The following LAMC2 variants were observed in gnomAD, a reference collection of about 807,000 sequenced individuals.
The protein encoded by LAMC2 is laminin subunit gamma-2.
Under a neutral mutation model 140.2 loss-of-function variants are expected in LAMC2, and 97 were observed. The ratio of observed to expected loss-of-function variants is 0.69; its 90% CI spans 0.59 to 0.82. LAMC2 has a LOEUF of 0.82. Ranked by LOEUF, LAMC2 falls within the 40% of genes least tolerant of loss-of-function variation. The probability of loss-of-function intolerance (pLI) is 0.00; values close to 1 mark genes in which losing one functional copy is unlikely to be tolerated. For missense variants in LAMC2, 1,402 were observed against 1,476.1 expected (o/e 0.95, Z 0.82); for synonymous variants, 513 against 540.2 (o/e 0.95, Z 0.70).
chr1:183,201,520 C>CATCAG (rs1658706723), intron 1 of LAMC2, among the ~76,000 whole-genome samples: 1 of 152,234 alleles, frequency 6.6e-6, no homozygotes, highest in South Asian at 2.1e-4. Context: ...TAGATGCATA[C>CATCAG]ATCAGATCAT....
At chr1:183,189,607 G>C (rs1658262189) in intron 1 of LAMC2, among the ~76,000 whole-genome samples, 1 of 152,184 alleles carries the variant, frequency 6.6e-6, no homozygotes, top group Non-Finnish European at 1.5e-5. Flanking sequence ...CTTGACCACA[G>C]ACGAGATTGC....
At chr1:183,210,482 C>T (rs1341331989) in intron 2 of LAMC2, among the ~76,000 whole-genome samples, 1 of 152,054 alleles carries the variant, frequency 6.6e-6, no homozygotes, top group African/African-American at 2.4e-5. Context: ...GAAACTGAGA[C>T]CTAGAAAAAT....
At chr1:183,195,333 C>A (rs1658481334) in intron 1 of LAMC2, among the ~76,000 whole-genome samples, 1 of 152,088 alleles carries the variant, frequency 6.6e-6, no homozygotes, top group Admixed American at 6.6e-5. Flanking sequence ...CTCGGTGAAA[C>A]AGGTGTCTCC....
chr1:183,202,587 T>A (rs747448988), intron 1 of LAMC2, among the ~76,000 whole-genome samples: 12 of 152,138 alleles, frequency 7.9e-5, no homozygotes, highest in Non-Finnish European at 1.6e-4. Flanking sequence ...AAAACATAGA[T>A]AAATGGACAA....
rs368391322 is a variant in LAMC2 at position 183,234,390 on chromosome 1, C to G, written c.2244C>G (p.Tyr748Ter). 6.2e-7 allele frequency: 1 copy of G among 1,614,050 alleles called. No individual in the cohort carries two copies. The highest frequency in any genetic ancestry group is 8.5e-7 in the Non-Finnish European group (1 of 1,179,934). Reference sequence around the variant, plus strand: ...AGAACATTCCTGCCTCAGACCACTACGTGGGGCCAAATGGCTTTAAAAGTC... The same window carrying G: ...AGAACATTCCTGCCTCAGACCACTAGGTGGGGCCAAATGGCTTTAAAAGTC... ...GNTNIPASDH[Y>*]VGPNGFKSLA... is the part of the protein sequence containing the mutation. Residue 748 changes from tyrosine to a stop codon, truncating the protein, a stop_gained, in exon 15 of 23, where the codon TAC becomes TAG. Coordinates refer to ENST00000264144, the MANE Select transcript of LAMC2 (RefSeq NM_005562.3). LOFTEE classifies it high-confidence loss of function.
chr1:183,237,867 CAG>C (rs1660014797), intron 18 of LAMC2, among the ~76,000 whole-genome samples: 1 of 152,158 alleles, frequency 6.6e-6, no homozygotes, highest in Non-Finnish European at 1.5e-5. Flanking sequence ...GCCTGGGTGA[CAG>C]AGCAAGACCC....
In LAMC2 at chr1:183,239,870, G is replaced by T. The variant is rs192321197; in HGVS notation, c.3070-170G>T. Reference sequence around the variant, plus strand: ...ATACCCCCAGATTAGCTTGTTTGAGGCAGAGCTTGGCAAAGTACCCCTGTC... The same window carrying T: ...ATACCCCCAGATTAGCTTGTTTGAGTCAGAGCTTGGCAAAGTACCCCTGTC... On this transcript the variant is annotated intron_variant, in intron 20 of 22. Coordinates refer to ENST00000264144, the MANE Select transcript of LAMC2 (RefSeq NM_005562.3). 202 of 780,904 alleles carry T rather than the reference G, an allele frequency of 2.6e-4. 1 individual carries two copies. In the East Asian group the frequency reaches 5.2e-3, roughly 20 times the overall value. 48.4% of individuals were successfully genotyped at this position (780,904 alleles called of 1,614,324 possible).
intron 22 of LAMC2, chr1:183,241,384 G>A: frequency 1.1e-6 from 1 of 887,310 alleles, no homozygotes; most frequent in African/African-American, 1.8e-5. Context: ...GAAGAAATGT[G>A]ATGAGAGTAG....
Position 183,236,510 on chromosome 1 carries a change from A to G in LAMC2, c.2507A>G (p.Gln836Arg). The G allele has an allele frequency of 6.2e-7, 1 of 1,614,042 alleles. No homozygotes were observed. The highest frequency in any genetic ancestry group is 8.5e-7 in the Non-Finnish European group (1 of 1,179,982). The change falls in exon 17 of 23, where the codon CAA becomes CGA. Residue 836 changes from glutamine to arginine, a missense_variant. By Grantham distance (43) the Gln-to-Arg change is conservative. Transcript: ENST00000264144. ...LAQQLTREAT[Q>R]AEIEADRSYQ... The stretch of plus-strand genomic sequence containing the variant: ...CAGCAGTTGACAAGGGAGGCCACTC[A>G]AGCGGAAATTGAAGCAGATAGGTCT...
At chr1:183,233,459 T>C (rs781682448) in intron 14 of LAMC2, among the ~76,000 whole-genome samples, 7 of 152,216 alleles carry the variant, frequency 4.6e-5, no homozygotes, top group Non-Finnish European at 8.8e-5. Flanking sequence ...CACTCTTCTA[T>C]TTCTGAATAA....
rs946696558 is a variant in LAMC2, at chr1:183,214,618, G to A, written c.269-835G>A. Among the ~76,000 whole-genome samples, 3 of 152,084 alleles carry A rather than the reference G, an allele frequency of 2.0e-5. No individual in the cohort carries two copies. The East Asian group carries it at 5.8e-4, about 29-fold the overall frequency. ...TCTGCTTAGAGTGGGGGCCACTGGA[G>A]GACCTAACTATCGAATTACATTTTT... On this transcript the variant is annotated intron_variant, in intron 2 of 22. Transcript: ENST00000264144.
intron 1 of LAMC2, 138 bp downstream of exon 1, chr1:183,186,569 A>G (rs1280385758): frequency 2.5e-6 from 2 of 806,628 alleles, no homozygotes; most frequent in Non-Finnish European, 3.7e-6. Context: ...CTCCTCCCCT[A>G]TCTGGGGCTC....
chr1:183,189,226 C>T (rs1658247991), intron 1 of LAMC2, among the ~76,000 whole-genome samples: 1 of 152,052 alleles, frequency 6.6e-6, no homozygotes, highest in South Asian at 2.1e-4. Context: ...AAGGAAGAGT[C>T]CAAGATGGAT....
intron 17 of LAMC2, 127 bp from the exon 18 acceptor site, chr1:183,237,225 G>A: frequency 9.8e-7 from 1 of 1,017,658 alleles, no homozygotes; most frequent in Non-Finnish European, 1.5e-6. Context: ...GGCCTGGATG[G>A]CTAGTGACTA....
intron 2 of LAMC2, among the ~76,000 whole-genome samples, chr1:183,210,881 C>T (rs1245214015): frequency 6.6e-6 from 1 of 152,250 alleles, no homozygotes; most frequent in Non-Finnish European, 1.5e-5. Context: ...TCCCCAGCTG[C>T]TCCTCAGCTG....
Position 183,239,451 on chromosome 1 carries a change from C to A in LAMC2, c.2957C>A (p.Ala986Asp). 6.2e-7 allele frequency: 1 copy of A among 1,614,114 alleles called. No homozygotes were observed. The highest frequency in any genetic ancestry group is 8.5e-7 in the Non-Finnish European group (1 of 1,179,984). ...TACATCAGCCAGAAGGTTTCAGATG[C>A]CAGTGACAAGACCCAGCAAGCAGAA... ...LSYISQKVSD[A>D]SDKTQQAERA... The change falls in exon 20 of 23, where the codon GCC becomes GAC. Residue 986 changes from alanine to aspartate, a missense_variant. Ala to Asp is a moderately radical substitution (Grantham distance 126). Transcript: ENST00000264144.
intron 1 of LAMC2, among the ~76,000 whole-genome samples, chr1:183,203,483 C>T (rs1174804857): frequency 6.6e-6 from 1 of 151,734 alleles, no homozygotes; most frequent in Non-Finnish European, 1.5e-5. Context: ...GCCCCCCGCC[C>T]CCCCTCACCC....
At position 183,244,013 on chromosome 1, in the gene LAMC2, C is replaced by T. The variant is rs1025006720; in HGVS notation, c.*613C>T. 1 of 155,850 alleles carries T rather than the reference C, an allele frequency of 6.4e-6. No homozygotes were observed. The highest frequency in any genetic ancestry group is 2.4e-5 in the African/African-American group (1 of 41,472). The allele number at this position is 155,850 out of a possible 1,614,324, so 9.7% of individuals were successfully genotyped here. ...TGAGGACCTGTAAGGCAGGCCCATT[C>T]AGAGCTATGGTGCTTGCTGGTGCCT... On this transcript the variant is annotated 3_prime_UTR_variant, in exon 23 of 23. Coordinates refer to ENST00000264144, the MANE Select transcript of LAMC2 (RefSeq NM_005562.3).
At chr1:183,207,836 T>TC (rs1658938385) in intron 1 of LAMC2, 45 bp from the exon 2 acceptor site, 2 of 630,236 alleles carry the variant, frequency 3.2e-6, no homozygotes, top group Non-Finnish European at 4.5e-6. Flanking sequence ...TCCTGAGGTG[T>TC]TTTTTTTTTT....
Sources: gnomAD v4.1 joint callset for allele counts (sites outside exome capture counted in the v4.1 genomes callset) on GRCh38, gnomAD v4.1.1 for gene constraint, MANE v1.5 for transcripts, NCBI Gene and HGNC (gene_info 2026-07-23, HGNC 2026-07-21) for gene names.